The following ANKHD1 variants were observed in gnomAD, a reference collection of about 807,000 sequenced individuals.
The protein encoded by ANKHD1 is ankyrin repeat and KH domain containing 1.
ANKHD1 carries 31 observed loss-of-function variants against 230.5 expected under a neutral mutation model. The observed-to-expected ratio is 0.13, with a 90% CI of 0.10 to 0.18. ANKHD1 has a LOEUF of 0.18. Among genes scored for constraint, ANKHD1 ranks in the 10% least tolerant of loss-of-function variants. The pLI, the probability that ANKHD1 is intolerant of heterozygous loss-of-function variation, is 1.00. For synonymous variants in ANKHD1, 1,074 were observed against 1,117.6 expected, an observed-to-expected ratio of 0.96 and a Z score of 0.78; for missense variants, 2,256 against 3,071.3, an observed-to-expected ratio of 0.73 and a Z score of 6.27.
chr5:140,498,855 CT>C (rs5871738), intron 15 of ANKHD1, among the ~76,000 whole-genome samples: 2 of 147,922 alleles, frequency 1.4e-5, no homozygotes. Flanking sequence ...TATGTTAGAA[CT>C]TTTTTTTTTT....
intron 24 of ANKHD1, among the ~76,000 whole-genome samples, chr5:140,516,225 G>A (rs1296298302): frequency 6.6e-6 from 1 of 152,142 alleles, no homozygotes; most frequent in Non-Finnish European, 1.5e-5. Context: ...ATAAAATGAA[G>A]CGAGAAGGGA....
At chr5:140,445,380 T>A (rs192054796) in intron 5 of ANKHD1, among the ~76,000 whole-genome samples, 2 of 152,216 alleles carry the variant, frequency 1.3e-5, no homozygotes, top group Non-Finnish European at 2.9e-5. Flanking sequence ...GGTGGGCACC[T>A]GTAATCCCAG....
At chr5:140,538,287 T>C (rs774821212) in intron 32 of ANKHD1, 26 bp downstream of exon 32, 1 of 1,610,010 alleles carries the variant, frequency 6.2e-7, no homozygotes, top group Non-Finnish European at 8.5e-7. Context: ...TCACTGTAAC[T>C]TGATTGACAC....
chr5:140,518,341 C>A (rs1217317756), intron 24 of ANKHD1, among the ~76,000 whole-genome samples: 1 of 152,076 alleles, frequency 6.6e-6, no homozygotes, highest in Non-Finnish European at 1.5e-5. Context: ...GGATTCACAG[C>A]CGAATTCTAC....
chr5:140,489,706 T>A (rs1751684175), intron 14 of ANKHD1, among the ~76,000 whole-genome samples: 1 of 152,234 alleles, frequency 6.6e-6, no homozygotes, highest in Admixed American at 6.5e-5. Context: ...TGCATTTTGA[T>A]GTTTTATTAC....
intron 1 of ANKHD1, among the ~76,000 whole-genome samples, chr5:140,421,034 A>G (rs1396197186): frequency 6.6e-6 from 1 of 152,206 alleles, no homozygotes; most frequent in Non-Finnish European, 1.5e-5. Flanking sequence ...TAAATTTGCC[A>G]GACTGCTAGG....
In ANKHD1 at chr5:140,537,371, C is replaced by T. The variant is rs767605771; in HGVS notation, c.7028-18C>T. 2 of 1,612,384 alleles carry T rather than the reference C, an allele frequency of 1.2e-6. No individual in the cohort carries two copies. The highest frequency in any genetic ancestry group is 1.7e-6 in the Non-Finnish European group (2 of 1,179,410). On this transcript the variant is annotated intron_variant, in intron 30 of 33. Coordinates refer to ENST00000360839, the MANE Select transcript of ANKHD1 (RefSeq NM_017747.3). ...CCTATTCCATCTGTTTCTTCGGGAT[C>T]ATCTTCACCTCTTTCAGCCACTTCT... is the stretch of plus-strand genomic sequence containing the variant.
chr5:140,430,739 G>A (rs1306135844), intron 1 of ANKHD1, among the ~76,000 whole-genome samples: 2 of 149,794 alleles, frequency 1.3e-5, no homozygotes, highest in Non-Finnish European at 3.0e-5. Flanking sequence ...GCATATAGCA[G>A]CCTCAACCTC....
At chr5:140,534,741 T>TA (rs1244340406) in intron 29 of ANKHD1, among the ~76,000 whole-genome samples, 1 of 152,210 alleles carries the variant, frequency 6.6e-6, no homozygotes, top group Admixed American at 6.5e-5. Flanking sequence ...CTTTTCCTAA[T>TA]ACATTTTCCA....
chr5:140,463,495 T>A (rs1157159036), intron 9 of ANKHD1, among the ~76,000 whole-genome samples: 1 of 152,158 alleles, frequency 6.6e-6, no homozygotes, highest in Admixed American at 6.5e-5. Flanking sequence ...CTATTTATGC[T>A]TATTTAGTCT....
intron 7 of ANKHD1, 22 bp from the exon 8 acceptor site, chr5:140,458,603 C>T (rs745570630): frequency 1.3e-6 from 2 of 1,573,374 alleles, no homozygotes; most frequent in African/African-American, 2.7e-5. Flanking sequence ...CTCCTTCTTT[C>T]TTTACTTCTG....
intron 30 of ANKHD1, chr5:140,537,157 T>A: frequency 1.6e-6 from 1 of 634,862 alleles, no homozygotes; most frequent in Non-Finnish European, 2.3e-6. Context: ...TGTATACTTA[T>A]TATAGGCAGA....
intron 2 of ANKHD1, among the ~76,000 whole-genome samples, chr5:140,437,775 ATTTC>A (rs1773560900): frequency 6.6e-6 from 1 of 152,158 alleles, no homozygotes; most frequent in Admixed American, 6.5e-5. Context: ...GCCTGTATTT[ATTTC>A]TTTATTCACT....
In ANKHD1 at chr5:140,524,097, C is replaced by T; in HGVS notation, c.4349C>T (p.Ala1450Val). 6.3e-7 allele frequency: 1 copy of T among 1,586,836 alleles called. No individual in the cohort carries two copies. The highest frequency in any genetic ancestry group is 8.5e-7 in the Non-Finnish European group (1 of 1,173,080). Reference sequence around the variant, plus strand: ...GAAGAGAGCAGAAAGCAGGCTCTTGCTGCTAAAAGAGAAAAAAGAAAAGAA... The same window carrying T: ...GAAGAGAGCAGAAAGCAGGCTCTTGTTGCTAAAAGAGAAAAAAGAAAAGAA... ...SREESRKQAL[A>V]AKREKRKEKR... Residue 1450 changes from alanine (A) to valine (V), a missense_variant, in exon 25 of 34, where the codon GCT (alanine) becomes GTT (valine). By Grantham distance (64) the Ala-to-Val change is moderately conservative (BLOSUM62 0). This residue lies in a region of ANKHD1 where 195 missense variants were observed against 340.3 expected (regional missense o/e 0.57). Transcript: ENST00000360839.
At chr5:140,403,213 C>T (rs1770130764) in intron 1 of ANKHD1, among the ~76,000 whole-genome samples, 1 of 151,862 alleles carries the variant, frequency 6.6e-6, no homozygotes, top group Non-Finnish European at 1.5e-5. Context: ...AGGTGATCCG[C>T]CCGCCTCGGC....
intron 6 of ANKHD1, among the ~76,000 whole-genome samples, chr5:140,446,298 ACATG>A (rs1774274860): frequency 6.6e-6 from 1 of 152,216 alleles, no homozygotes; most frequent in African/African-American, 2.4e-5. Flanking sequence ...AAAAAATAGT[ACATG>A]CCAAAGTAAT....
At chr5:140,437,091 TAC>T (rs1170708866) in intron 2 of ANKHD1, among the ~76,000 whole-genome samples, 1 of 152,228 alleles carries the variant, frequency 6.6e-6, no homozygotes. Flanking sequence ...TGTTTGAACA[TAC>T]ATGATTGTTA....
chr5:140,524,236 A>C lies in ANKHD1; in HGVS notation c.4488A>C (p.Glu1496Asp). The C allele has an allele frequency of 3.2e-6, 5 of 1,566,454 alleles. No homozygotes were observed. The highest frequency in any genetic ancestry group is 4.3e-6 in the Non-Finnish European group (5 of 1,167,272). ...PEDEDEEEND[E>D]DVEQEVPIEP... ...ATGAAGATGAAGAGGAGAATGATGA[A>C]GATGGTGAGAAACAAACCATCTGAA... The change falls in exon 25 of 34, where the codon GAA becomes GAC. Residue 1496 changes from glutamate to aspartate, a missense_variant. Glu to Asp is a conservative substitution (Grantham distance 45). Transcript: ENST00000360839.
chr5:140,490,579 C>CT (rs1751729066), intron 14 of ANKHD1, among the ~76,000 whole-genome samples: 1 of 152,150 alleles, frequency 6.6e-6, no homozygotes. Context: ...CATTATTTAA[C>CT]TTTATTACCT....
Sources: allele counts gnomAD v4.1 joint callset (sites outside exome capture counted in the v4.1 genomes callset), GRCh38; gene constraint gnomAD v4.1.1; regional missense constraint gnomAD v4.1.1; transcripts MANE v1.5; gene names NCBI Gene and HGNC (gene_info 2026-07-23, HGNC 2026-07-21).